The following IL16 variants were observed in gnomAD, a reference collection of about 807,000 sequenced individuals.
IL16 encodes pro-interleukin-16.
Under a neutral mutation model 110.1 loss-of-function variants are expected in IL16, and 67 were observed. That is an observed-to-expected ratio of 0.61 (90% CI 0.50 to 0.75). IL16 has a LOEUF of 0.75. Among genes scored for constraint, IL16 ranks in the 30% least tolerant of loss-of-function variants. The pLI is 0.00. For missense variants in IL16, 1,545 were observed against 1,655.0 expected (o/e 0.93, Z 1.15); for synonymous variants, 689 against 662.9 (o/e 1.04, Z -0.61).
chr15:81,211,396 C>T (rs1187345844), intron 1 of IL16, among the ~76,000 whole-genome samples: 2 of 152,148 alleles, frequency 1.3e-5, no homozygotes, highest in Non-Finnish European at 2.9e-5. Context: ...GGATTACAGG[C>T]ATGCACCACC....
rs113780595 is a variant in IL16, at chr15:81,255,097, G to A, written c.313-4675G>A. 8.2e-3 allele frequency among the ~76,000 whole-genome samples: 1,245 copies of A among 152,306 alleles called. 11 individuals carry two copies. The highest frequency in any genetic ancestry group is 0.02 in the Middle Eastern group (6 of 294). ...TTCTGATGAAGAAACTGTTTAGCTT[G>A]AACAATAACTTGAAATAGTCCCAGA... On this transcript the variant is annotated intron_variant, in intron 2 of 18. Transcript: ENST00000683961.
intron 1 of IL16, among the ~76,000 whole-genome samples, chr15:81,206,834 G>C (rs1896034009): frequency 6.6e-6 from 1 of 151,914 alleles, no homozygotes; most frequent in Non-Finnish European, 1.5e-5. Flanking sequence ...GGGGCCAAAA[G>C]GATGTTCAGA....
intron 2 of IL16, among the ~76,000 whole-genome samples, chr15:81,238,593 A>G (rs1897248913): frequency 6.6e-6 from 1 of 150,728 alleles, no homozygotes; most frequent in South Asian, 2.1e-4. Flanking sequence ...TACTTTCTCT[A>G]TATCTATTGA....
At chr15:81,188,580 C>A (rs917414048) in intron 1 of IL16, among the ~76,000 whole-genome samples, 1 of 152,160 alleles carries the variant, frequency 6.6e-6, no homozygotes, top group African/African-American at 2.4e-5. Context: ...GACTCCTGGA[C>A]CAGTGCTCTT....
intron 2 of IL16, among the ~76,000 whole-genome samples, chr15:81,249,409 A>G (rs953980737): frequency 6.7e-6 from 1 of 149,134 alleles, no homozygotes; most frequent in Non-Finnish European, 1.5e-5. Context: ...CTCCCTTGGG[A>G]TTTTTTTTTT....
At chr15:81,256,517 TAG>T (rs1181155064) in intron 2 of IL16, among the ~76,000 whole-genome samples, 1 of 152,044 alleles carries the variant, frequency 6.6e-6, no homozygotes, top group Non-Finnish European at 1.5e-5. Context: ...GTATTTTTAG[TAG>T]AGACAGGGTT....
intron 1 of IL16, among the ~76,000 whole-genome samples, chr15:81,208,513 A>G (rs138637755): frequency 5.5e-4 from 83 of 152,286 alleles, no homozygotes; most frequent in African/African-American, 2.0e-3. Flanking sequence ...TATTTTTAGT[A>G]GAGATGGGGT....
intron 10 of IL16, among the ~76,000 whole-genome samples, chr15:81,287,278 G>T (rs1284983962): frequency 6.6e-6 from 1 of 152,196 alleles, no homozygotes; most frequent in Admixed American, 6.5e-5. Flanking sequence ...AAAGGTAGCA[G>T]GCTTGGGAGG....
intron 4 of IL16, among the ~76,000 whole-genome samples, chr15:81,267,133 G>A (rs886993862): frequency 6.6e-6 from 1 of 152,174 alleles, no homozygotes; most frequent in Non-Finnish European, 1.5e-5. Flanking sequence ...TTGGGCTAGC[G>A]GGTACTTCCT....
At chr15:81,259,929 G>GCTATCCA in intron 3 of IL16, 49 bp downstream of exon 3, 1 of 1,176,678 alleles carries the variant, frequency 8.5e-7, no homozygotes, top group South Asian at 1.2e-5. Context: ...AGCTGTTCCT[G>GCTATCCA]GATAGCAGGA....
In IL16 at chr15:81,306,107, ACTC is replaced by A. The variant is rs1232253653; in HGVS notation, c.3625_3627del (p.Ser1209del). 1 of 1,613,500 alleles carries A rather than the reference ACTC, an allele frequency of 6.2e-7. No homozygotes were observed. The highest frequency in any genetic ancestry group is 1.7e-5 in the Admixed American group (1 of 59,904). ...ACTCCAGAGGCCATGCCCGACCTCA[ACTC>A]CTCCACTGACTCTGCAGCCTCAGCC... On this transcript the variant is annotated inframe_deletion, in exon 17 of 19. Transcript: ENST00000683961.
chr15:81,236,060 T>A (rs1357866260), intron 2 of IL16, among the ~76,000 whole-genome samples: 1 of 152,130 alleles, frequency 6.6e-6, no homozygotes, highest in Non-Finnish European at 1.5e-5. Context: ...GAGTGGAAAA[T>A]CTTGCTTTCT....
Position 81,306,413 on chromosome 15 carries a change from T to C in IL16, c.3680-7T>C. Reference sequence around the variant, plus strand: ...GATCCCTAACAGAGACCTTGTGTTTTTCTCAGCAGCAGAGGCCACAGTCTG... The same window carrying C: ...GATCCCTAACAGAGACCTTGTGTTTCTCTCAGCAGCAGAGGCCACAGTCTG... On this transcript the variant is annotated splice_region_variant and splice_polypyrimidine_tract_variant and intron_variant, in intron 17 of 18. Transcript: ENST00000683961. 1 of 1,613,816 alleles carries C rather than the reference T, an allele frequency of 6.2e-7. No individual in the cohort carries two copies. Among genetic ancestry groups the C allele is most frequent in the Non-Finnish European group, 8.5e-7 (1 of 1,179,936 alleles).
At chr15:81,293,080 C>A (rs570093758) in intron 12 of IL16, 43 bp downstream of exon 12, 2 of 1,547,322 alleles carry the variant, frequency 1.3e-6, no homozygotes, top group African/African-American at 1.4e-5. Flanking sequence ...CAGGACCAGA[C>A]TCAAATCTTG....
chr15:81,250,647 C>A (rs1250487204), intron 2 of IL16, among the ~76,000 whole-genome samples: 1 of 152,144 alleles, frequency 6.6e-6, no homozygotes, highest in African/African-American at 2.4e-5. Flanking sequence ...GGGGCACCAC[C>A]AGCCTGGAAT....
chr15:81,196,732 G>C, upstream of IL16: 1 of 622,976 alleles, frequency 1.6e-6, no homozygotes, highest in Non-Finnish European at 2.1e-6. Flanking sequence ...CCTGGGTGTT[G>C]CCGGCCAGCC....
chr15:81,293,145 T>C, intron 12 of IL16, 108 bp downstream of exon 12: 1 of 1,210,784 alleles, frequency 8.3e-7, no homozygotes, highest in Non-Finnish European at 1.1e-6. Flanking sequence ...AAGTTTCTCC[T>C]GCTCCACCAG....
At chr15:81,208,820 G>A (rs1026352220) in intron 1 of IL16, among the ~76,000 whole-genome samples, 12 of 152,128 alleles carry the variant, frequency 7.9e-5, no homozygotes, top group African/African-American at 2.9e-4. Context: ...ATCTGCCGGG[G>A]TTGTGGTCTG....
chr15:81,305,846 C>T, intron 16 of IL16, 62 bp from the exon 17 acceptor site: 1 of 1,576,888 alleles, frequency 6.3e-7, no homozygotes, highest in Non-Finnish European at 8.6e-7. Flanking sequence ...CAATCCTCCT[C>T]CAGCAAGTAT....
Sources: gnomAD v4.1 joint callset for allele counts (sites outside exome capture counted in the v4.1 genomes callset) on GRCh38, gnomAD v4.1.1 for gene constraint, MANE v1.5 for transcripts, NCBI Gene and HGNC (gene_info 2026-07-23, HGNC 2026-07-21) for gene names.